PRORP: variants seen among roughly 807,000 people sequenced by gnomAD.
PRORP encodes the protein protein only RNase P catalytic subunit.
PRORP carries 51 observed loss-of-function variants against 59.4 expected under a neutral mutation model. That is an observed-to-expected ratio of 0.86 (90% confidence interval 0.69 to 1.08). The LOEUF is 1.08. Ranked by LOEUF, PRORP falls within the 50% of genes least tolerant of loss-of-function variation. The pLI, the probability that PRORP is intolerant of heterozygous loss-of-function variation, is 0.00. For missense variants in PRORP, 646 were observed against 690.3 expected (o/e 0.94, Z 0.72); for synonymous variants, 231 against 245.6 (o/e 0.94, Z 0.55).
chr14:35,173,947 A>G (rs1224690235), intron 4 of PRORP, among the ~76,000 whole-genome samples: 1 of 151,908 alleles, frequency 6.6e-6, no homozygotes. Context: ...ACTCCGTTGG[A>G]CTGTCAGATG....
At chr14:35,127,693 A>C in intron 4 of PRORP, 82 bp downstream of exon 4, 1 of 1,469,006 alleles carries the variant, frequency 6.8e-7, no homozygotes. Flanking sequence ...CCAGATACTA[A>C]ATATTTTAGG....
intron 5 of PRORP, among the ~76,000 whole-genome samples, chr14:35,239,964 A>G (rs2138537240): frequency 6.6e-6 from 1 of 152,028 alleles, no homozygotes; most frequent in Non-Finnish European, 1.5e-5. Flanking sequence ...AGTCCCAGCT[A>G]CTCAGGAGGC....
intron 5 of PRORP, among the ~76,000 whole-genome samples, chr14:35,182,999 T>C (rs546960995): frequency 6.6e-6 from 1 of 152,296 alleles, no homozygotes; most frequent in Admixed American, 6.5e-5. Context: ...CCGATACATA[T>C]TTAAATATTA....
At chr14:35,219,937 T>G (rs775919809) in intron 5 of PRORP, among the ~76,000 whole-genome samples, 2 of 152,166 alleles carry the variant, frequency 1.3e-5, no homozygotes, top group Non-Finnish European at 2.9e-5. Context: ...GGTCTTAAAG[T>G]CTACTTGTCT....
intron 7 of PRORP, among the ~76,000 whole-genome samples, chr14:35,271,117 A>C (rs548075765): frequency 6.7e-6 from 1 of 149,752 alleles, no homozygotes; most frequent in Non-Finnish European, 1.5e-5. Context: ...AGGATATACC[A>C]GTTTTGACTT....
intron 2 of PRORP, among the ~76,000 whole-genome samples, chr14:35,125,979 C>T (rs1298280214): frequency 2.6e-5 from 4 of 152,044 alleles, no homozygotes; most frequent in Admixed American, 6.6e-5. Flanking sequence ...GCTGTGATGG[C>T]GCCATGCACT....
intron 2 of PRORP, among the ~76,000 whole-genome samples, chr14:35,126,121 C>A (rs551331435): frequency 3.3e-5 from 5 of 151,778 alleles, no homozygotes; most frequent in Admixed American, 3.3e-4. Context: ...GGGAGATCTG[C>A]GTGAATACAA....
At chr14:35,250,276 C>CA (rs2138583796) in intron 5 of PRORP, among the ~76,000 whole-genome samples, 1 of 152,036 alleles carries the variant, frequency 6.6e-6, no homozygotes, top group East Asian at 1.9e-4. Flanking sequence ...CCCTCAAATG[C>CA]ATGGTGCCTT....
chr14:35,208,825 G>T (rs545247338), intron 5 of PRORP, among the ~76,000 whole-genome samples: 1 of 152,242 alleles, frequency 6.6e-6, no homozygotes, highest in South Asian at 2.1e-4. Context: ...GGCCAACATG[G>T]TGAATGAAAC....
chr14:35,168,605 A>C (rs1358384228), intron 4 of PRORP, among the ~76,000 whole-genome samples: 1 of 152,130 alleles, frequency 6.6e-6, no homozygotes, highest in African/African-American at 2.4e-5. Flanking sequence ...CAACTTAAAA[A>C]AAAATAATAA....
At chr14:35,238,309 C>T (rs749956073) in intron 5 of PRORP, among the ~76,000 whole-genome samples, 2 of 152,186 alleles carry the variant, frequency 1.3e-5, no homozygotes, top group Non-Finnish European at 2.9e-5. Context: ...AATTCCCAAA[C>T]CCACATATCT....
At chr14:35,183,902 T>G (rs2048680059) in intron 5 of PRORP, among the ~76,000 whole-genome samples, 1 of 152,174 alleles carries the variant, frequency 6.6e-6, no homozygotes, top group Admixed American at 6.5e-5. Context: ...TTCTTCACTG[T>G]CTTTTCTGTC....
rs139710598 is a variant in PRORP, at chr14:35,169,255, G to A, written c.1168-11415G>A. Among the ~76,000 whole-genome samples the A allele has an allele frequency of 5.7e-3, 859 of 151,874 alleles. 4 individuals are homozygous for A. The highest frequency in any genetic ancestry group is 8.6e-3 in the Non-Finnish European group (584 of 67,932). On this transcript the variant is annotated intron_variant, in intron 4 of 7. Coordinates refer to ENST00000534898, the MANE Select transcript of PRORP (RefSeq NM_014672.4). ...TTGGGTTATTGAGAACTGTATTTAG[G>A]AATACTTGGGGCTTTTATAGATATT... is the stretch of plus-strand genomic sequence containing the variant.
intron 5 of PRORP, among the ~76,000 whole-genome samples, chr14:35,252,949 T>C (rs1211360972): frequency 1.3e-5 from 2 of 152,174 alleles, no homozygotes; most frequent in East Asian, 3.9e-4. Flanking sequence ...TTCCTTTCTG[T>C]GCCCATATCT....
chr14:35,227,480 T>C (rs939478498), intron 5 of PRORP, among the ~76,000 whole-genome samples: 4 of 152,010 alleles, frequency 2.6e-5, no homozygotes, highest in Non-Finnish European at 4.4e-5. Flanking sequence ...ATACAACACA[T>C]TGGCATAATG....
At chr14:35,133,032 C>T (rs1262185519) in intron 4 of PRORP, among the ~76,000 whole-genome samples, 1 of 152,072 alleles carries the variant, frequency 6.6e-6, no homozygotes, top group African/African-American at 2.4e-5. Context: ...AGCGATTATC[C>T]TGCCTCAGCC....
chr14:35,154,023 C>T (rs570316859), intron 4 of PRORP, among the ~76,000 whole-genome samples: 27 of 152,284 alleles, frequency 1.8e-4, no homozygotes, highest in African/African-American at 4.8e-4. Context: ...TCAGCACTTT[C>T]GTTCTTTTTC....
At chr14:35,131,005 G>A (rs1433057298) in intron 4 of PRORP, among the ~76,000 whole-genome samples, 2 of 151,260 alleles carry the variant, frequency 1.3e-5, no homozygotes, top group African/African-American at 4.9e-5. Context: ...GTGCAATGGC[G>A]CGATCTCAGC....
intron 4 of PRORP, among the ~76,000 whole-genome samples, chr14:35,130,443 G>A (rs532012785): frequency 5.5e-4 from 84 of 151,436 alleles, no homozygotes; most frequent in African/African-American, 2.0e-3. Flanking sequence ...AGTGAGTTAT[G>A]TACCCTCAGA....
Sources: gnomAD v4.1 joint callset for allele counts (sites outside exome capture counted in the v4.1 genomes callset) on GRCh38, gnomAD v4.1.1 for gene constraint, MANE v1.5 for transcripts, NCBI Gene and HGNC (gene_info 2026-07-23, HGNC 2026-07-21) for gene names.